RAPGEF4: variants seen among roughly 807,000 people sequenced by gnomAD.
RAPGEF4 encodes the protein Rap guanine nucleotide exchange factor 4.
RAPGEF4 carries 66 observed loss-of-function variants against 147.9 expected under a neutral mutation model. The observed-to-expected ratio is 0.45, with a 90% CI of 0.37 to 0.55. RAPGEF4 has a LOEUF of 0.55. Ranked by LOEUF, RAPGEF4 falls within the 20% of genes least tolerant of loss-of-function variation. The pLI is 0.00. For missense variants in RAPGEF4, 1,071 were observed against 1,257.3 expected, an observed-to-expected ratio of 0.85 and a Z score of 2.24; for synonymous variants, 419 against 442.7, an observed-to-expected ratio of 0.95 and a Z score of 0.67.
At chr2:172,837,245 C>T (rs533557164) in intron 4 of RAPGEF4, among the ~76,000 whole-genome samples, 1 of 152,158 alleles carries the variant, frequency 6.6e-6, no homozygotes, top group East Asian at 1.9e-4. Flanking sequence ...GCTAAGTAGC[C>T]ATCTTATATA....
At chr2:172,781,314 C>T (rs921330930) in intron 1 of RAPGEF4, among the ~76,000 whole-genome samples, 1 of 152,118 alleles carries the variant, frequency 6.6e-6, no homozygotes, top group African/African-American at 2.4e-5. Context: ...ACAGACACTT[C>T]AGTCAGAAGA....
chr2:172,863,382 G>A (rs1416772953), intron 4 of RAPGEF4, among the ~76,000 whole-genome samples: 1 of 152,150 alleles, frequency 6.6e-6, no homozygotes, highest in Non-Finnish European at 1.5e-5. Context: ...GCTTAAAATG[G>A]CAAATCTATG....
chr2:172,827,050 A>C (rs1240602289), intron 4 of RAPGEF4, among the ~76,000 whole-genome samples: 1 of 152,080 alleles, frequency 6.6e-6, no homozygotes, highest in Non-Finnish European at 1.5e-5. Flanking sequence ...TGCTAGTCAC[A>C]CTCTCTCCAT....
At chr2:172,885,244 C>A (rs1697063062) in intron 4 of RAPGEF4, among the ~76,000 whole-genome samples, 1 of 152,226 alleles carries the variant, frequency 6.6e-6, no homozygotes, top group Non-Finnish European at 1.5e-5. Flanking sequence ...CAGGACAGAG[C>A]CCCAGTTGCC....
At chr2:172,799,201 G>C (rs922299115) in intron 3 of RAPGEF4, among the ~76,000 whole-genome samples, 11 of 152,118 alleles carry the variant, frequency 7.2e-5, no homozygotes, top group Non-Finnish European at 1.6e-4. Flanking sequence ...CACTTAACAG[G>C]TATTTATTTA....
intron 10 of RAPGEF4, among the ~76,000 whole-genome samples, chr2:172,982,653 C>A (rs1287668506): frequency 1.3e-5 from 2 of 152,156 alleles, no homozygotes; most frequent in Admixed American, 6.5e-5. Context: ...GTCCACAACA[C>A]CCCCATACCC....
intron 15 of RAPGEF4, among the ~76,000 whole-genome samples, chr2:172,991,809 T>G (rs1229988698): frequency 1.3e-5 from 2 of 152,218 alleles, no homozygotes; most frequent in Non-Finnish European, 1.5e-5. Flanking sequence ...AATGATTAAT[T>G]TTTATTGTTT....
intron 16 of RAPGEF4, among the ~76,000 whole-genome samples, chr2:172,999,690 T>C (rs1693709171): frequency 1.3e-5 from 2 of 152,248 alleles, no homozygotes; most frequent in African/African-American, 4.8e-5. Context: ...ATGTTTTTGA[T>C]GAACTTACAT....
In RAPGEF4 at chr2:173,052,805, A is replaced by G. The variant is rs1285093045; in HGVS notation, c.*1038A>G. The G allele has an allele frequency of 2.6e-5, 4 of 152,480 alleles. No individual in the cohort carries two copies. The South Asian group carries it at 6.2e-4, about 24-fold the overall frequency. The allele number at this position is 152,480 out of a possible 1,614,324, so 9.4% of individuals were successfully genotyped here. On this transcript the variant is annotated 3_prime_UTR_variant, in exon 31 of 31. Transcript: ENST00000397081. ...CATTTTTTCCTGTTTTCACAATTAG[A>G]CTACATTTAATGTGTAGGAATTGTA... is the stretch of plus-strand genomic sequence containing the variant.
intron 4 of RAPGEF4, among the ~76,000 whole-genome samples, chr2:172,904,275 T>G (rs1008990653): frequency 1.3e-5 from 2 of 152,222 alleles, no homozygotes; most frequent in African/African-American, 4.8e-5. Flanking sequence ...GTCAGTCAAC[T>G]GTTTCTCTGT....
At chr2:173,047,930 C>T (rs1440073316) in intron 29 of RAPGEF4, among the ~76,000 whole-genome samples, 1 of 152,198 alleles carries the variant, frequency 6.6e-6, no homozygotes, top group Admixed American at 6.5e-5. Flanking sequence ...CCCGCCTCGG[C>T]CTCCCAAAGT....
chr2:172,886,903 A>AT (rs1174807818), intron 4 of RAPGEF4, among the ~76,000 whole-genome samples: 3 of 152,184 alleles, frequency 2.0e-5, no homozygotes, highest in Non-Finnish European at 4.4e-5. Flanking sequence ...AATTTGAAAA[A>AT]TTGGCCGGGC....
chr2:172,978,839 C>T (rs1294565144), intron 10 of RAPGEF4, among the ~76,000 whole-genome samples: 1 of 152,162 alleles, frequency 6.6e-6, no homozygotes, highest in East Asian at 1.9e-4. Flanking sequence ...TGGTGTTGCT[C>T]ATTTGTTTTC....
chr2:172,767,699 T>C (rs1397023284), intron 1 of RAPGEF4, among the ~76,000 whole-genome samples: 1 of 152,228 alleles, frequency 6.6e-6, no homozygotes, highest in Non-Finnish European at 1.5e-5. Flanking sequence ...TAAGGATCCA[T>C]ATGCTTTTTA....
intron 15 of RAPGEF4, among the ~76,000 whole-genome samples, chr2:172,994,187 C>T (rs1404885402): frequency 1.3e-5 from 2 of 152,168 alleles, no homozygotes; most frequent in Non-Finnish European, 2.9e-5. Flanking sequence ...GGTTTTCCCC[C>T]CATTCAGTTT....
Position 173,014,480 on chromosome 2 carries a change from T to A in RAPGEF4, c.1675T>A (p.Ser559Thr), listed in dbSNP as rs1325505681. The change falls in exon 18 of 31, where the codon TCA (serine) becomes ACA (threonine). Residue 559 changes from serine to threonine, a missense_variant. Physicochemically the swap from Ser to Thr is moderately conservative, Grantham distance 58. Transcript: ENST00000397081. ...ALVAHYHAQP[S>T]QGTEQEKMDY... Reference sequence around the variant, plus strand: ...CCTCGGCACCTACCACGCACAGCCTTCACAAGGTACAGAACAGGAGAAAAT... The same window carrying A: ...CCTCGGCACCTACCACGCACAGCCTACACAAGGTACAGAACAGGAGAAAAT... 3 of 1,613,910 alleles carry A rather than the reference T, an allele frequency of 1.9e-6. No homozygotes were observed. The South Asian group carries it at 3.3e-5, about 18-fold the overall frequency.
chr2:172,995,245 TTGTGTGTGTGTGTGTG>T (rs71018528), intron 15 of RAPGEF4, among the ~76,000 whole-genome samples: 34 of 138,688 alleles, frequency 2.5e-4, no homozygotes, highest in Admixed American at 1.1e-3. Context: ...ACTTGCCTGT[TTGTGTGTGTGTGTGTG>T]TGTGTGTGTG....
intron 1 of RAPGEF4, among the ~76,000 whole-genome samples, chr2:172,752,288 A>C (rs925133224): frequency 3.9e-5 from 6 of 152,226 alleles, no homozygotes; most frequent in Non-Finnish European, 8.8e-5. Context: ...AGAGCAGGAA[A>C]GTGGTCCTGG....
chr2:172,981,027 T>G (rs1232623725), intron 10 of RAPGEF4, among the ~76,000 whole-genome samples: 3 of 152,212 alleles, frequency 2.0e-5, no homozygotes, highest in African/African-American at 7.2e-5. Flanking sequence ...ACACTTTTCC[T>G]AACCTCATAG....
Sources: allele counts gnomAD v4.1 joint callset (sites outside exome capture counted in the v4.1 genomes callset), GRCh38; gene constraint gnomAD v4.1.1; transcripts MANE v1.5; gene names NCBI Gene and HGNC (gene_info 2026-07-23, HGNC 2026-07-21).